OSTF1: variants seen among roughly 807,000 people sequenced by gnomAD.
OSTF1 encodes the protein osteoclast stimulating factor 1, also known as osteoclast-stimulating factor 1.
A neutral mutation model predicts 37.2 loss-of-function variants in OSTF1; 27 were observed. The ratio of observed to expected loss-of-function variants is 0.73; its 90% CI spans 0.54 to 1.00. OSTF1 has a LOEUF of 1.00. Among genes scored for constraint, OSTF1 ranks in the 50% least tolerant of loss-of-function variants. The pLI is 0.00. For synonymous variants in OSTF1, 82 were observed against 89.2 expected, an observed-to-expected ratio of 0.92 and a Z score of 0.46; for missense variants, 232 against 253.8, an observed-to-expected ratio of 0.91 and a Z score of 0.58.
intron 1 of OSTF1, among the ~76,000 whole-genome samples, chr9:75,103,260 G>A (rs951586423): frequency 6.6e-6 from 1 of 152,152 alleles, no homozygotes; most frequent in Non-Finnish European, 1.5e-5. Context: ...TATAGCCTGG[G>A]CAACAGAGCA....
intron 1 of OSTF1, among the ~76,000 whole-genome samples, chr9:75,096,353 T>A (rs995346412): frequency 6.6e-6 from 1 of 152,244 alleles, no homozygotes; most frequent in Admixed American, 6.5e-5. Flanking sequence ...AATTTAAAAG[T>A]CTTTAGCATC....
intron 8 of OSTF1, among the ~76,000 whole-genome samples, chr9:75,138,013 A>C (rs1825870239): frequency 6.6e-6 from 1 of 152,236 alleles, no homozygotes; most frequent in Admixed American, 6.5e-5. Flanking sequence ...CAGATAAGCA[A>C]GAATGATGCG....
At chr9:75,141,168 G>T (rs1825936559) in intron 9 of OSTF1, among the ~76,000 whole-genome samples, 1 of 151,942 alleles carries the variant, frequency 6.6e-6, no homozygotes, top group Non-Finnish European at 1.5e-5. Context: ...AGACATTGTG[G>T]TGTGGGCCTG....
intron 2 of OSTF1, among the ~76,000 whole-genome samples, chr9:75,121,099 C>T (rs1006743005): frequency 6.6e-6 from 1 of 152,172 alleles, no homozygotes; most frequent in Non-Finnish European, 1.5e-5. Flanking sequence ...GCTGTGTGAC[C>T]TTGAGGAAAT....
At chr9:75,104,098 C>T (rs1353774049) in intron 1 of OSTF1, among the ~76,000 whole-genome samples, 1 of 152,082 alleles carries the variant, frequency 6.6e-6, no homozygotes. Context: ...AGTAGCCCAG[C>T]CCCAGTGTGG....
chr9:75,117,589 A>C, intron 2 of OSTF1, 39 bp downstream of exon 2: 1 of 1,424,018 alleles, frequency 7.0e-7, no homozygotes, highest in Non-Finnish European at 9.9e-7. Flanking sequence ...TTGACAGAAA[A>C]ACCTAAGATG....
intron 1 of OSTF1, among the ~76,000 whole-genome samples, chr9:75,098,167 G>A (rs914810609): frequency 3.3e-5 from 5 of 152,054 alleles, no homozygotes; most frequent in South Asian, 4.1e-4. Flanking sequence ...ATTTCATTTC[G>A]TGCTCCTTCT....
rs57913558 is a variant in OSTF1, at chr9:75,132,972, TACACACACACACACACACACAC to T, written c.251-303_251-282del. Among the ~76,000 whole-genome samples, 468 of 60,340 alleles carry T rather than the reference TACACACACACACACACACACAC, an allele frequency of 7.8e-3. 2 individuals are homozygous for T. The highest frequency in any genetic ancestry group is 0.014 in the Non-Finnish European group (297 of 20,604). 39.6% of individuals were successfully genotyped at this position (60,340 alleles called of 152,430 possible). On this transcript the variant is annotated intron_variant, in intron 5 of 9. Transcript: ENST00000346234. ...AATAATATATACACATACACACACA[TACACACACACACACACACACAC>T]ACACACACACACACACACCCCTATA...
At chr9:75,104,183 G>T (rs751362421) in intron 1 of OSTF1, among the ~76,000 whole-genome samples, 1 of 152,154 alleles carries the variant, frequency 6.6e-6, no homozygotes, top group African/African-American at 2.4e-5. Flanking sequence ...AGTCAAGGCT[G>T]CAGTGAGCTG....
At chr9:75,122,648 T>A (rs973787534) in intron 2 of OSTF1, among the ~76,000 whole-genome samples, 3 of 152,210 alleles carry the variant, frequency 2.0e-5, no homozygotes, top group Non-Finnish European at 4.4e-5. Context: ...CTTCGTAATC[T>A]GACTTATAGT....
chr9:75,106,727 G>A (rs1333146441), intron 1 of OSTF1, among the ~76,000 whole-genome samples: 24 of 150,688 alleles, frequency 1.6e-4, no homozygotes, highest in Admixed American at 1.1e-3. Context: ...AGGCCGGGGC[G>A]GGCGGATCAC....
At chr9:75,139,713 G>A (rs1825909477) in intron 8 of OSTF1, among the ~76,000 whole-genome samples, 1 of 152,202 alleles carries the variant, frequency 6.6e-6, no homozygotes, top group South Asian at 2.1e-4. Flanking sequence ...GTGAGCCACC[G>A]TGCTTGGCCT....
At chr9:75,124,995 G>C (rs1825639000) in intron 2 of OSTF1, among the ~76,000 whole-genome samples, 1 of 152,162 alleles carries the variant, frequency 6.6e-6, no homozygotes, top group Admixed American at 6.5e-5. Context: ...GCCCAGGACG[G>C]CTCATAGATG....
At chr9:75,123,417 G>A (rs1038123217) in intron 2 of OSTF1, among the ~76,000 whole-genome samples, 5 of 152,074 alleles carry the variant, frequency 3.3e-5, no homozygotes, top group East Asian at 1.9e-4. Context: ...GTGAGACTCC[G>A]TCTCAAAAAA....
intron 3 of OSTF1, 80 bp from the exon 4 acceptor site, chr9:75,130,498 C>G (rs1422333169): frequency 2.1e-6 from 2 of 935,902 alleles, no homozygotes; most frequent in Non-Finnish European, 3.5e-6. Flanking sequence ...AACAGGTACT[C>G]CCTAGGAGCT....
chr9:75,109,170 G>A (rs1333872422), intron 1 of OSTF1, among the ~76,000 whole-genome samples: 1 of 151,758 alleles, frequency 6.6e-6, no homozygotes, highest in African/African-American at 2.4e-5. Flanking sequence ...CCGCCAACAC[G>A]CCCGGCTAGT....
intron 1 of OSTF1, among the ~76,000 whole-genome samples, chr9:75,100,224 A>G (rs1345313099): frequency 1.3e-5 from 2 of 152,194 alleles, no homozygotes; most frequent in Admixed American, 6.5e-5. Context: ...CTCTGTGAGC[A>G]GAGGTTATTC....
rs142284509 is a variant in OSTF1 at position 75,132,149 on chromosome 9, A to G, written c.250+326A>G. ...AGGGGAGAGAGAGATGTAACAGATC[A>G]TTAAAATATGGTATGATAAGTACAG... On this transcript the variant is annotated intron_variant, in intron 5 of 9. Transcript: ENST00000346234. Among the ~76,000 whole-genome samples, 11 of 152,362 alleles carry G rather than the reference A, an allele frequency of 7.2e-5. No homozygotes were observed. The East Asian group carries it at 2.1e-3, about 29-fold the overall frequency.
chr9:75,141,544 A>G (rs11496718), intron 9 of OSTF1, among the ~76,000 whole-genome samples: 13,505 of 152,144 alleles, frequency 0.089, 781 homozygotes, highest in Middle Eastern at 0.16. Flanking sequence ...GATCATCTTC[A>G]TTCCCTCATT....
Sources: allele counts gnomAD v4.1 joint callset (sites outside exome capture counted in the v4.1 genomes callset), GRCh38; gene constraint gnomAD v4.1.1; transcripts MANE v1.5; gene names NCBI Gene and HGNC (gene_info 2026-07-23, HGNC 2026-07-21).